Variants in SOX6 observed in about 807,000 individuals in gnomAD.
SOX6 encodes SRY-box transcription factor 6.
Under a neutral mutation model 97.8 loss-of-function variants are expected in SOX6, and 11 were observed. The ratio of observed to expected loss-of-function variants is 0.11; its 90% CI spans 0.07 to 0.19. The LOEUF (loss-of-function observed/expected upper bound fraction) is 0.19, where lower values mean the gene tolerates loss of function less well. Ranked by LOEUF, SOX6 falls within the 10% of genes least tolerant of loss-of-function variation. The pLI, the probability that SOX6 is intolerant of heterozygous loss-of-function variation, is 1.00. For synonymous variants in SOX6, 360 were observed against 371.4 expected (o/e 0.97, Z 0.35); for missense variants, 810 against 1,039.5 (o/e 0.78, Z 3.04).
At chr11:16,732,444 C>G (rs1261655133) in intron 2 of SOX6, among the ~76,000 whole-genome samples, 1 of 152,172 alleles carries the variant, frequency 6.6e-6, no homozygotes, top group African/African-American at 2.4e-5. Context: ...ACATCTACAA[C>G]TATCTGATCT....
At chr11:16,326,466 G>T (rs1856095692) in intron 2 of SOX6, among the ~76,000 whole-genome samples, 1 of 151,744 alleles carries the variant, frequency 6.6e-6, no homozygotes, top group Non-Finnish European at 1.5e-5. Flanking sequence ...CAGGTTTTCT[G>T]ACACCAAATC....
At chr11:16,349,271 T>G (rs1856845402) in intron 1 of SOX6, among the ~76,000 whole-genome samples, 1 of 152,152 alleles carries the variant, frequency 6.6e-6, no homozygotes, top group South Asian at 2.1e-4. Context: ...CTCCAAATAC[T>G]CTAAATATAG....
intron 4 of SOX6, among the ~76,000 whole-genome samples, chr11:16,550,100 A>G (rs1847665657): frequency 6.6e-6 from 1 of 152,208 alleles, no homozygotes; most frequent in African/African-American, 2.4e-5. Context: ...AATTAAGAAA[A>G]TGTGGCACAT....
At chr11:16,230,608 A>C (rs1009947018) in intron 4 of SOX6, among the ~76,000 whole-genome samples, 3 of 151,828 alleles carry the variant, frequency 2.0e-5, no homozygotes, top group African/African-American at 7.2e-5. Flanking sequence ...TGAATGGAGC[A>C]ATTCAATAGT....
chr11:16,298,631 C>G (rs184621404), intron 3 of SOX6, among the ~76,000 whole-genome samples: 236 of 152,084 alleles, frequency 1.6e-3, no homozygotes, highest in Non-Finnish European at 2.8e-3. Context: ...AATAAATGGT[C>G]CATTCAGATG....
chr11:16,119,767 C>G (rs1680502514), intron 6 of SOX6, among the ~76,000 whole-genome samples: 2 of 152,190 alleles, frequency 1.3e-5, no homozygotes, highest in Non-Finnish European at 2.9e-5. Context: ...CAGAAGAGAA[C>G]TTAAAACTGA....
intron 1 of SOX6, among the ~76,000 whole-genome samples, chr11:16,429,859 A>T (rs1193015278): frequency 6.6e-6 from 1 of 152,174 alleles, no homozygotes; most frequent in African/African-American, 2.4e-5. Flanking sequence ...CTCCACCTTC[A>T]CTGAACTACC....
chr11:16,038,231 G>A (rs1457344979), intron 12 of SOX6, among the ~76,000 whole-genome samples: 3 of 152,088 alleles, frequency 2.0e-5, no homozygotes, highest in Middle Eastern at 3.2e-3. Flanking sequence ...CTGCAGGGTA[G>A]GGAGGTGGGG....
intron 4 of SOX6, among the ~76,000 whole-genome samples, chr11:16,608,494 AAAAG>A (rs1221292907): frequency 6.6e-6 from 1 of 152,146 alleles, no homozygotes; most frequent in East Asian, 1.9e-4. Context: ...CAAAAGAGAG[AAAAG>A]AAAGAGATGA....
chr11:16,539,595 G>A (rs996354109), intron 4 of SOX6, among the ~76,000 whole-genome samples: 1 of 151,546 alleles, frequency 6.6e-6, no homozygotes, highest in Non-Finnish European at 1.5e-5. Context: ...AAGAAGAAAA[G>A]AGAGAAGAAA....
chr11:16,264,159 C>G (rs1308397232), intron 3 of SOX6, among the ~76,000 whole-genome samples: 1 of 151,716 alleles, frequency 6.6e-6, no homozygotes, highest in African/African-American at 2.4e-5. Flanking sequence ...CTACTAATCC[C>G]CATCCCATCC....
intron 2 of SOX6, among the ~76,000 whole-genome samples, chr11:16,330,287 CTCATGCCTATAA>C (rs1856246235): frequency 6.6e-6 from 1 of 152,204 alleles, no homozygotes; most frequent in Non-Finnish European, 1.5e-5. Flanking sequence ...GGCACAGTGG[CTCATGCCTATAA>C]TCCCAGCACT....
intron 4 of SOX6, among the ~76,000 whole-genome samples, chr11:16,547,707 A>C (rs1847637908): frequency 6.6e-6 from 1 of 152,176 alleles, no homozygotes. Context: ...ATAAATTCTA[A>C]TGTTTGATAG....
At chr11:16,415,767 A>T (rs1858913379) in intron 1 of SOX6, among the ~76,000 whole-genome samples, 1 of 152,190 alleles carries the variant, frequency 6.6e-6, no homozygotes, top group South Asian at 2.1e-4. Context: ...ATCACGAGGG[A>T]TACTAGCAAA....
intron 2 of SOX6, among the ~76,000 whole-genome samples, chr11:16,729,053 C>T (rs1848328989): frequency 6.6e-6 from 1 of 152,064 alleles, no homozygotes; most frequent in African/African-American, 2.4e-5. Context: ...AAGAAATGAA[C>T]AAAGCCTCCA....
At chr11:16,234,320 C>CT (rs1234236268) in intron 4 of SOX6, among the ~76,000 whole-genome samples, 2 of 152,006 alleles carry the variant, frequency 1.3e-5, no homozygotes, top group Admixed American at 6.6e-5. Flanking sequence ...GGTTTTTATA[C>CT]TTTTTTGTGA....
chr11:16,733,199 C>T (rs1249065480), intron 2 of SOX6, among the ~76,000 whole-genome samples: 2 of 152,172 alleles, frequency 1.3e-5, no homozygotes, highest in Non-Finnish European at 2.9e-5. Flanking sequence ...ACAAGAAATG[C>T]CATTTGGCCC....
At chr11:16,714,630 T>C (rs1213452272) in intron 3 of SOX6, among the ~76,000 whole-genome samples, 1 of 152,054 alleles carries the variant, frequency 6.6e-6, no homozygotes, top group Non-Finnish European at 1.5e-5. Context: ...TTTTGTACTT[T>C]TAGTAGAGAC....
chr11:16,425,824 T>A (rs1030836488), intron 1 of SOX6, among the ~76,000 whole-genome samples: 2 of 151,836 alleles, frequency 1.3e-5, no homozygotes, highest in Non-Finnish European at 2.9e-5. Context: ...ATGACACATA[T>A]AAATGGAAAA....
Sources: allele counts gnomAD v4.1 joint callset (sites outside exome capture counted in the v4.1 genomes callset), GRCh38; gene constraint gnomAD v4.1.1; transcripts MANE v1.5; gene names NCBI Gene and HGNC (gene_info 2026-07-23, HGNC 2026-07-21).